ADGRB3: variants seen among roughly 807,000 people sequenced by gnomAD.
ADGRB3 encodes the protein brain-specific angiogenesis inhibitor 3.
In ADGRB3, 37 loss-of-function variants were observed where a neutral mutation model predicts 193.4. The ratio of observed to expected loss-of-function variants is 0.19; its 90% confidence interval spans 0.15 to 0.25. The LOEUF is 0.25. ADGRB3 is among the 10% of genes least tolerant of loss of function. ADGRB3 has a pLI of 1.00. For synonymous variants in ADGRB3, 690 were observed against 644.2 expected, an observed-to-expected ratio of 1.07 and a Z score of -1.08; for missense variants, 1,637 against 1,852.9, an observed-to-expected ratio of 0.88 and a Z score of 2.14.
chr6:68,910,904 C>T (rs1398273475), intron 3 of ADGRB3, among the ~76,000 whole-genome samples: 1 of 151,998 alleles, frequency 6.6e-6, no homozygotes, highest in Admixed American at 6.6e-5. Flanking sequence ...TTTTTGGTTC[C>T]ATATGAACTT....
chr6:68,910,337 G>A (rs1490385971), intron 3 of ADGRB3, among the ~76,000 whole-genome samples: 2 of 151,890 alleles, frequency 1.3e-5, no homozygotes, highest in African/African-American at 4.8e-5. Context: ...TTGCAAAAAT[G>A]TTCTCCCATT....
chr6:68,823,820 A>G (rs1048643348), intron 3 of ADGRB3, among the ~76,000 whole-genome samples: 4 of 152,182 alleles, frequency 2.6e-5, no homozygotes, highest in Non-Finnish European at 5.9e-5. Context: ...CTTCAAGTTA[A>G]AAGTGTCATC....
intron 3 of ADGRB3, among the ~76,000 whole-genome samples, chr6:68,786,501 C>T (rs1278841722): frequency 6.6e-6 from 1 of 151,940 alleles, no homozygotes; most frequent in South Asian, 2.1e-4. Context: ...CTGTTCTGTT[C>T]CATTGGTCTA....
intron 11 of ADGRB3, among the ~76,000 whole-genome samples, chr6:68,998,752 A>G (rs974733732): frequency 8.5e-5 from 13 of 152,232 alleles, no homozygotes; most frequent in Non-Finnish European, 1.6e-4. Flanking sequence ...ACCATTTTCA[A>G]CTAGCCACTC....
chr6:69,092,182 C>A (rs1011069633), intron 17 of ADGRB3, among the ~76,000 whole-genome samples: 1 of 152,308 alleles, frequency 6.6e-6, no homozygotes, highest in East Asian at 1.9e-4. Flanking sequence ...TAAATTTTGT[C>A]ATGATCTTCA....
chr6:69,322,361 A>G (rs1316921398), intron 20 of ADGRB3, among the ~76,000 whole-genome samples: 1 of 151,976 alleles, frequency 6.6e-6, no homozygotes, highest in Non-Finnish European at 1.5e-5. Context: ...TCTGTTCGGT[A>G]TATACCCAGT....
At chr6:69,248,969 TTTC>T (rs758430758) in intron 20 of ADGRB3, among the ~76,000 whole-genome samples, 9 of 152,262 alleles carry the variant, frequency 5.9e-5, no homozygotes, top group Admixed American at 3.9e-4. Flanking sequence ...ACACTTTGAA[TTTC>T]TTCTTCTTCT....
chr6:69,185,097 C>A (rs546114364), intron 17 of ADGRB3, among the ~76,000 whole-genome samples: 1 of 152,172 alleles, frequency 6.6e-6, no homozygotes, highest in East Asian at 1.9e-4. Context: ...GATTAGCCTT[C>A]AAATTGCCTC....
rs183149487 is a variant in ADGRB3, at chr6:68,927,254, G to T, written c.758-3305G>T. ...ACCAAAGCAGATCATCTTTTTATTT[G>T]GTTATGTTCTTTTTCTCGTGTAACT... On this transcript the variant is annotated intron_variant, in intron 3 of 31. Transcript: ENST00000370598. Among the ~76,000 whole-genome samples the T allele has an allele frequency of 2.2e-3, 340 of 151,910 alleles. 1 individual carries two copies. The highest frequency in any genetic ancestry group is 7.8e-3 in the African/African-American group (325 of 41,432).
chr6:69,167,976 T>A (rs1483217635), intron 17 of ADGRB3, among the ~76,000 whole-genome samples: 1 of 152,194 alleles, frequency 6.6e-6, no homozygotes, highest in Non-Finnish European at 1.5e-5. Flanking sequence ...TTATTTACAG[T>A]TACCTTGCAT....
chr6:69,132,110 A>G (rs1193140662), intron 17 of ADGRB3, among the ~76,000 whole-genome samples: 2 of 152,196 alleles, frequency 1.3e-5, no homozygotes, highest in African/African-American at 4.8e-5. Flanking sequence ...TCTTTATAGT[A>G]GAATGGTTTA....
At chr6:68,899,176 A>G (rs1374480447) in intron 3 of ADGRB3, among the ~76,000 whole-genome samples, 1 of 152,170 alleles carries the variant, frequency 6.6e-6, no homozygotes, top group Non-Finnish European at 1.5e-5. Context: ...TGTAAGACTA[A>G]TCTAAAATTT....
intron 3 of ADGRB3, among the ~76,000 whole-genome samples, chr6:68,642,356 T>C (rs1328097753): frequency 6.6e-6 from 1 of 152,108 alleles, no homozygotes; most frequent in Non-Finnish European, 1.5e-5. Flanking sequence ...TGACATAATA[T>C]TTGGTATTTA....
At chr6:68,672,852 T>G (rs1768999717) in intron 3 of ADGRB3, among the ~76,000 whole-genome samples, 1 of 152,120 alleles carries the variant, frequency 6.6e-6, no homozygotes, top group African/African-American at 2.4e-5. Flanking sequence ...AGTTGAAGCC[T>G]TCTGAGAAAA....
At chr6:68,801,948 T>C (rs1767319700) in intron 3 of ADGRB3, among the ~76,000 whole-genome samples, 1 of 152,112 alleles carries the variant, frequency 6.6e-6, no homozygotes, top group Non-Finnish European at 1.5e-5. Flanking sequence ...TTAGAGGAGA[T>C]TGAAAGCACA....
chr6:68,982,094 C>T (rs1346809640), intron 10 of ADGRB3, among the ~76,000 whole-genome samples: 10 of 151,808 alleles, frequency 6.6e-5, no homozygotes, highest in African/African-American at 1.7e-4. Flanking sequence ...TCATGTTGGC[C>T]GGGCTGGTCT....
intron 11 of ADGRB3, 93 bp from the exon 12 acceptor site, chr6:69,013,945 A>G (rs1770015580): frequency 2.7e-6 from 2 of 732,960 alleles, no homozygotes; most frequent in Non-Finnish European, 4.4e-6. Context: ...CAAAGTGCTT[A>G]TACCTTTACC....
chr6:68,827,967 AT>A (rs1465544099), intron 3 of ADGRB3, among the ~76,000 whole-genome samples: 5 of 152,074 alleles, frequency 3.3e-5, no homozygotes, highest in Non-Finnish European at 1.5e-5. Flanking sequence ...GTTTCCCTTT[AT>A]TTTGAGTTCA....
intron 3 of ADGRB3, among the ~76,000 whole-genome samples, chr6:68,667,302 A>G (rs1768825768): frequency 6.6e-6 from 1 of 151,896 alleles, no homozygotes; most frequent in African/African-American, 2.4e-5. Context: ...TAGAAATTTA[A>G]TGTTATAGAT....
Sources: gnomAD v4.1 joint callset for allele counts (sites outside exome capture counted in the v4.1 genomes callset) on GRCh38, gnomAD v4.1.1 for gene constraint, MANE v1.5 for transcripts, NCBI Gene and HGNC (gene_info 2026-07-23, HGNC 2026-07-21) for gene names.